OSBPL9: variants seen among roughly 807,000 people sequenced by gnomAD.
OSBPL9 encodes the protein oxysterol binding protein like 9.
A neutral mutation model predicts 106.6 loss-of-function variants in OSBPL9; 40 were observed. That is an observed-to-expected ratio of 0.38 (90% CI 0.29 to 0.49). OSBPL9 has a LOEUF of 0.49. Ranked by LOEUF, OSBPL9 falls within the 20% of genes least tolerant of loss-of-function variation. The probability of loss-of-function intolerance (pLI) is 0.97; values close to 1 mark genes in which losing one functional copy is unlikely to be tolerated. For synonymous variants in OSBPL9, 269 were observed against 295.4 expected (o/e 0.91, Z 0.92); for missense variants, 609 against 887.2 (o/e 0.69, Z 3.98).
At chr1:51,550,662 G>A in the OSBPL9 span, among the ~76,000 whole-genome samples, 14 of 151,996 alleles carry the variant, frequency 9.2e-5, no homozygotes, top group Non-Finnish European at 1.9e-4. Flanking sequence ...ACAGGTGCCC[G>A]CCACCAAGCC....
At chr1:51,533,927 C>G in the OSBPL9 span, among the ~76,000 whole-genome samples, 1 of 142,236 alleles carries the variant, frequency 7.0e-6, no homozygotes, top group Non-Finnish European at 1.5e-5. Context: ...TTGATGCTGA[C>G]TGGGCGCAGT....
intron 2 of OSBPL9, among the ~76,000 whole-genome samples, chr1:51,653,286 C>T (rs1482558291): frequency 6.6e-6 from 1 of 152,020 alleles, no homozygotes; most frequent in Non-Finnish European, 1.5e-5. Context: ...CCTCAGTCAC[C>T]AGTCAGTCTG....
In OSBPL9 at chr1:51,732,840, A is replaced by C. The variant is rs562717194; in HGVS notation, c.319-12696A>C. Among the ~76,000 whole-genome samples the C allele has an allele frequency of 4.6e-5, 7 of 152,272 alleles. No homozygotes were observed. The South Asian group carries it at 1.5e-3, about 32-fold the overall frequency. On this transcript the variant is annotated intron_variant, in intron 4 of 23. Coordinates refer to ENST00000428468, the MANE Select transcript of OSBPL9 (RefSeq NM_024586.6). ...AGTCCAGCTGCCCAGCATGTCCTGG[A>C]GGCCCTTCTTCATATTCTGGTCCTG...
chr1:51,541,969 C>T, the OSBPL9 span, among the ~76,000 whole-genome samples: 12 of 152,098 alleles, frequency 7.9e-5, no homozygotes, highest in Non-Finnish European at 1.5e-4. Context: ...GTCACTGCAA[C>T]CTCTACCTCC....
chr1:51,676,883 G>A lies in OSBPL9; in HGVS notation c.241+7371G>A, dbSNP rs116013942. ...CGTAGAAATATTAGTGGCGGTGTTG[G>A]TGTTTGTGGTAGTGGTAAAAACTAC... On this transcript the variant is annotated intron_variant, in intron 3 of 23. Coordinates refer to ENST00000428468, the MANE Select transcript of OSBPL9 (RefSeq NM_024586.6). Among the ~76,000 whole-genome samples, 870 of 152,224 alleles carry A rather than the reference G, an allele frequency of 5.7e-3. 7 individuals are homozygous for A. Among genetic ancestry groups the A allele is most frequent in the African/African-American group, 0.019 (800 of 41,520 alleles).
At chr1:51,540,706 T>G in the OSBPL9 span, among the ~76,000 whole-genome samples, 1 of 148,744 alleles carries the variant, frequency 6.7e-6, no homozygotes. Flanking sequence ...ACGCCTGTAA[T>G]CCAGCACTTT....
chr1:51,568,818 C>A, the OSBPL9 span, among the ~76,000 whole-genome samples: 1 of 152,210 alleles, frequency 6.6e-6, no homozygotes, highest in Non-Finnish European at 1.5e-5. Context: ...CAACCTCCAT[C>A]TCCCAGGTTC....
chr1:51,611,127 A>G (rs758171066), intron 2 of OSBPL9, among the ~76,000 whole-genome samples: 3 of 152,228 alleles, frequency 2.0e-5, no homozygotes, highest in Non-Finnish European at 4.4e-5. Flanking sequence ...GAACACTTAC[A>G]GAACCTAAAT....
the OSBPL9 span, among the ~76,000 whole-genome samples, chr1:51,566,701 T>C: frequency 3.9e-5 from 6 of 152,216 alleles, no homozygotes; most frequent in Admixed American, 3.3e-4. Flanking sequence ...TAACCTTATA[T>C]GGATTCTGGG....
At chr1:51,669,567 C>T in intron 3 of OSBPL9, 55 bp downstream of exon 3, 1 of 1,551,578 alleles carries the variant, frequency 6.4e-7, no homozygotes, top group Non-Finnish European at 8.9e-7. Flanking sequence ...TTCTTTTCTT[C>T]TCTTTTGGGT....
chr1:51,582,756 A>G (rs747356806), intron 1 of OSBPL9: 1 of 152,034 alleles, frequency 6.6e-6, no homozygotes, highest in Non-Finnish European at 1.5e-5. Flanking sequence ...TTATATCCCA[A>G]TTGGCAGGTA....
upstream of OSBPL9, among the ~76,000 whole-genome samples, chr1:51,575,287 G>C (rs2148596806): frequency 6.6e-6 from 1 of 152,174 alleles, no homozygotes; most frequent in African/African-American, 2.4e-5. Context: ...TGCAACCTCA[G>C]CCTCCTAGGT....
chr1:51,770,423 C>G (rs1304770474), intron 12 of OSBPL9, among the ~76,000 whole-genome samples: 1 of 150,932 alleles, frequency 6.6e-6, no homozygotes, highest in African/African-American at 2.4e-5. Context: ...GATTACAAGC[C>G]TGAGCCACCA....
chr1:51,785,715 C>T lies in OSBPL9; in HGVS notation c.1830-93C>T. ...CATCAAAAACTTCACAGTTGCTCTTCTGTGCTCTACTCTGTAGTTGGGCCA... is the reference window on the plus strand; with the variant it reads ...CATCAAAAACTTCACAGTTGCTCTTTTGTGCTCTACTCTGTAGTTGGGCCA... On this transcript the variant is annotated intron_variant, in intron 20 of 23. Transcript: ENST00000428468. 3 of 1,057,326 alleles carry T rather than the reference C, an allele frequency of 2.8e-6. No individual in the cohort carries two copies. The Admixed American group carries it at 6.1e-5, about 22-fold the overall frequency. 65.5% of individuals were successfully genotyped at this position (1,057,326 alleles called of 1,614,324 possible). A position where few individuals can be genotyped will look rare whatever the true frequency, so the allele number is the denominator to read the frequency against.
intron 4 of OSBPL9, among the ~76,000 whole-genome samples, chr1:51,738,653 A>G (rs1011263344): frequency 2.0e-5 from 3 of 151,744 alleles, no homozygotes; most frequent in Admixed American, 1.3e-4. Flanking sequence ...CTTTTTTATT[A>G]CCATTCTCTA....
At chr1:51,557,306 G>A in the OSBPL9 span, among the ~76,000 whole-genome samples, 1 of 152,114 alleles carries the variant, frequency 6.6e-6, no homozygotes, top group East Asian at 1.9e-4. Context: ...TTAACAATTG[G>A]TTTTTAAAAT....
chr1:51,578,345 G>A (rs1645198642), intron 1 of OSBPL9, among the ~76,000 whole-genome samples: 1 of 152,190 alleles, frequency 6.6e-6, no homozygotes, highest in Admixed American at 6.6e-5. Context: ...TTTTCTGGGT[G>A]AACAGTATCA....
At chr1:51,651,870 A>G (rs2148706494) in intron 1 of OSBPL9, 121 bp from the exon 2 acceptor site, 1 of 695,354 alleles carries the variant, frequency 1.4e-6, no homozygotes, top group Non-Finnish European at 2.5e-6. Context: ...TTTTTGGAAG[A>G]GAAATTGGCA....
At chr1:51,761,584 A>G (rs1255324904) in intron 10 of OSBPL9, among the ~76,000 whole-genome samples, 1 of 152,194 alleles carries the variant, frequency 6.6e-6, no homozygotes, top group Non-Finnish European at 1.5e-5. Context: ...ACACATTATC[A>G]TCAGAAGCAT....
Sources: gnomAD v4.1 joint callset for allele counts (sites outside exome capture counted in the v4.1 genomes callset) on GRCh38, gnomAD v4.1.1 for gene constraint, MANE v1.5 for transcripts, NCBI Gene and HGNC (gene_info 2026-07-23, HGNC 2026-07-21) for gene names.